SMYD2: variants seen among roughly 807,000 people sequenced by gnomAD.
SMYD2 encodes N-lysine methyltransferase SMYD2.
In SMYD2, 53 loss-of-function variants were observed where a neutral mutation model predicts 59.1. That is an observed-to-expected ratio of 0.90 (90% CI 0.72 to 1.13). The LOEUF is 1.13. Among genes scored for constraint, SMYD2 ranks in the 50% most tolerant of loss-of-function variants. SMYD2 has a pLI of 0.00. For synonymous variants in SMYD2, 208 were observed against 198.8 expected (o/e 1.05, Z -0.39); for missense variants, 494 against 544.7 (o/e 0.91, Z 0.93).
chr1:214,314,819 A>C lies in SMYD2; in HGVS notation c.295A>C (p.Asn99His), dbSNP rs1441351534. 1.2e-6 allele frequency: 2 copies of C among 1,614,038 alleles called. No homozygotes were observed. Among genetic ancestry groups the C allele is most frequent in the African/African-American group, 2.7e-5 (2 of 74,924 alleles). The change falls in exon 3 of 12, where the codon AAC becomes CAC. Residue 99 changes from asparagine to histidine, a missense_variant. Coordinates refer to ENST00000366957, the MANE Select transcript of SMYD2 (RefSeq NM_020197.3). ...ECSPMVVFGE[N>H]WNPSETVRLT... The stretch of plus-strand genomic sequence containing the variant: ...TTCTCCCATGGTTGTTTTTGGGGAA[A>C]ACTGGAATCCCTCGGAGACTGTAAG...
rs1437179789 is a variant in SMYD2, at chr1:214,312,860, G to A, written c.238-1902G>A. 3.3e-5 allele frequency among the ~76,000 whole-genome samples: 5 copies of A among 152,196 alleles called. No individual in the cohort carries two copies. ...TTTGAGCTGAGGACTGGCCTGATCC[G>A]AGTTTTGTCAACAGAATCCCTCAGG... On this transcript the variant is annotated intron_variant, in intron 2 of 11. Coordinates refer to ENST00000366957, the MANE Select transcript of SMYD2 (RefSeq NM_020197.3). This position sits in a 1 kb window ranked among gnomAD's most constrained non-coding sequence, Gnocchi z 4.1.
intron 10 of SMYD2, chr1:214,333,347 G>A (rs910904767): frequency 2.0e-5 from 3 of 152,252 alleles, no homozygotes; most frequent in Non-Finnish European, 1.5e-5. Context: ...TTATCTGCGT[G>A]AGCCCCTCCC....
intron 1 of SMYD2, among the ~76,000 whole-genome samples, chr1:214,281,659 C>G (rs760420914): frequency 6.6e-6 from 1 of 152,224 alleles, no homozygotes; most frequent in Non-Finnish European, 1.5e-5. Flanking sequence ...ACGCCCTGCA[C>G]TGCACGTTTT....
chr1:214,309,176 T>C (rs187764014), intron 2 of SMYD2, among the ~76,000 whole-genome samples: 10 of 152,354 alleles, frequency 6.6e-5, no homozygotes, highest in African/African-American at 2.4e-4. Context: ...TTCCTCTTAG[T>C]TCACTTGACT....
At chr1:214,295,041 C>T (rs1221965939) in intron 1 of SMYD2, among the ~76,000 whole-genome samples, 2 of 152,016 alleles carry the variant, frequency 1.3e-5, no homozygotes, top group Admixed American at 6.6e-5. Flanking sequence ...CTGGAAGAAG[C>T]GGTGGATATT....
At chr1:214,319,079 A>G in intron 5 of SMYD2, 96 bp downstream of exon 5, 2 of 1,447,916 alleles carry the variant, frequency 1.4e-6, no homozygotes, top group South Asian at 1.3e-5. Flanking sequence ...TGCAAATAGA[A>G]TGATGGCATC....
At position 214,312,470 on chromosome 1, in the gene SMYD2, C is replaced by T. The variant is rs947986115; in HGVS notation, c.238-2292C>T. 3.3e-5 allele frequency among the ~76,000 whole-genome samples: 5 copies of T among 152,096 alleles called. No individual in the cohort carries two copies. Among genetic ancestry groups the T allele is most frequent in the African/African-American group, 1.2e-4 (5 of 41,414 alleles). On this transcript the variant is annotated intron_variant, in intron 2 of 11. Coordinates refer to ENST00000366957, the MANE Select transcript of SMYD2 (RefSeq NM_020197.3). This position sits in a 1 kb window ranked among gnomAD's most constrained non-coding sequence, Gnocchi z 4.1. ...TAATATGCTCAGGTGGTGAGAAGTA[C>T]TAAGAAGCAGCAGAAAGCAAGGAAA...
In SMYD2 at chr1:214,336,726, C is replaced by T; in HGVS notation, c.1244C>T (p.Ala415Val). 1 of 1,613,832 alleles carries T rather than the reference C, an allele frequency of 6.2e-7. No homozygotes were observed. Among genetic ancestry groups the T allele is most frequent in the Non-Finnish European group, 8.5e-7 (1 of 1,179,956 alleles). Residue 415 changes from alanine to valine, a missense_variant, in exon 12 of 12, where the codon GCT (alanine) becomes GTT (valine). Transcript: ENST00000366957. ...TAGGCCATTGCAATCATGGAAGTAG[C>T]TCACGGCAAAGATCATCCATATATT... ...LKKAIAIMEV[A>V]HGKDHPYISE...
At chr1:214,299,968 C>G (rs886178331) in intron 1 of SMYD2, among the ~76,000 whole-genome samples, 1 of 152,108 alleles carries the variant, frequency 6.6e-6, no homozygotes, top group African/African-American at 2.4e-5. Flanking sequence ...ATGGCAACAT[C>G]AGACCCTGGG....
At position 214,318,820 on chromosome 1, in the gene SMYD2, C is replaced by T. The variant is rs775706609; in HGVS notation, c.410-39C>T. 2.9e-5 allele frequency: 46 copies of T among 1,603,214 alleles called. No individual in the cohort carries two copies. The highest frequency in any genetic ancestry group is 1.7e-4 in the Middle Eastern group (1 of 6,054). On this transcript the variant is annotated intron_variant, in intron 4 of 11. Coordinates refer to ENST00000366957, the MANE Select transcript of SMYD2 (RefSeq NM_020197.3). The surrounding 1 kb of genome is among the most constrained non-coding windows in gnomAD (Gnocchi z 5.4). Reference sequence around the variant, plus strand: ...AAATAGGATGTAGCTAGAAATCCCACGCTTTCTACTGGGTGAATAATGGAT... The same window carrying T: ...AAATAGGATGTAGCTAGAAATCCCATGCTTTCTACTGGGTGAATAATGGAT...
chr1:214,321,254 A>G (rs944083029), intron 5 of SMYD2, among the ~76,000 whole-genome samples: 6 of 152,182 alleles, frequency 3.9e-5, no homozygotes, highest in African/African-American at 1.4e-4. Context: ...ATGTATATAT[A>G]TATACACACA....
At chr1:214,297,801 G>C (rs1002183360) in intron 1 of SMYD2, among the ~76,000 whole-genome samples, 2 of 152,196 alleles carry the variant, frequency 1.3e-5, no homozygotes, top group Non-Finnish European at 2.9e-5. Context: ...ATCAGTAACA[G>C]TAGCTATCAA....
intron 1 of SMYD2, among the ~76,000 whole-genome samples, chr1:214,288,908 C>A (rs1324085528): frequency 2.0e-5 from 3 of 149,568 alleles, no homozygotes; most frequent in African/African-American, 7.4e-5. Flanking sequence ...TGTTTCTGTG[C>A]CGTGTGATAG....
rs1657006847 is a variant in SMYD2, at chr1:214,312,111, G to A, written c.238-2651G>A. 6.6e-6 allele frequency among the ~76,000 whole-genome samples: 1 copy of A among 152,144 alleles called. No homozygotes were observed. The highest frequency in any genetic ancestry group is 2.1e-4 in the South Asian group (1 of 4,826). On this transcript the variant is annotated intron_variant, in intron 2 of 11. Transcript: ENST00000366957. This position sits in a 1 kb window ranked among gnomAD's most constrained non-coding sequence, Gnocchi z 4.1. ...CTAAAAACAGATTCTCTTCTCCCTT[G>A]TGCATATCTTGTCATTTCTTTTCCT...
intron 7 of SMYD2, 67 bp from the exon 8 acceptor site, chr1:214,330,101 G>A: frequency 1.8e-6 from 2 of 1,104,598 alleles, no homozygotes; most frequent in Admixed American, 4.2e-5. Flanking sequence ...GACTGCAAAG[G>A]CACGGGAATG....
At chr1:214,304,558 CAAAAAAA>C (rs56254326) in intron 1 of SMYD2, among the ~76,000 whole-genome samples, 2 of 48,026 alleles carry the variant, frequency 4.2e-5, no homozygotes, top group Non-Finnish European at 7.3e-5. Context: ...GACCCTATCT[CAAAAAAA>C]AAAAAAAAAA....
chr1:214,314,742 GT>G lies in SMYD2; in HGVS notation c.238-13del. ...AGTGTATGTGCTATTTTTTAATAATGTTTTTTTCAATCTTCCCAGAAAGAAG... is the reference window on the plus strand; with the variant it reads ...AGTGTATGTGCTATTTTTTAATAATGTTTTTTCAATCTTCCCAGAAAGAAG... On this transcript the variant is annotated intron_variant, in intron 2 of 11. Coordinates refer to ENST00000366957, the MANE Select transcript of SMYD2 (RefSeq NM_020197.3). 1.3e-6 allele frequency: 2 copies of G among 1,588,714 alleles called. No homozygotes were observed. Among genetic ancestry groups the G allele is most frequent in the Non-Finnish European group, 8.6e-7 (1 of 1,157,496 alleles).
At chr1:214,304,017 A>C (rs1459166788) in intron 1 of SMYD2, among the ~76,000 whole-genome samples, 1 of 152,260 alleles carries the variant, frequency 6.6e-6, no homozygotes, top group Non-Finnish European at 1.5e-5. Context: ...AGAGTTTTGT[A>C]GTATGTGGCT....
intron 2 of SMYD2, among the ~76,000 whole-genome samples, chr1:214,310,968 C>T (rs1005286788): frequency 5.3e-5 from 8 of 152,096 alleles, no homozygotes; most frequent in East Asian, 3.9e-4. Flanking sequence ...GCCCTTCCTC[C>T]GTTAATCCAC....
Sources: allele counts gnomAD v4.1 joint callset (sites outside exome capture counted in the v4.1 genomes callset), GRCh38; gene constraint gnomAD v4.1.1; non-coding constraint Gnocchi (gnomAD v3.1); transcripts MANE v1.5; gene names NCBI Gene and HGNC (gene_info 2026-07-23, HGNC 2026-07-21).